The following DIP2B variants were observed in gnomAD, a reference collection of about 807,000 sequenced individuals.
DIP2B encodes disco-interacting protein 2 homolog B.
Under a neutral mutation model 198.0 loss-of-function variants are expected in DIP2B, and 76 were observed. That is an observed-to-expected ratio of 0.38 (90% CI 0.32 to 0.46). DIP2B has a LOEUF of 0.46. Ranked by LOEUF, DIP2B falls within the 20% of genes least tolerant of loss-of-function variation. The pLI is 0.99. For synonymous variants in DIP2B, 701 were observed against 739.1 expected (o/e 0.95, Z 0.84); for missense variants, 1,559 against 1,978.4 (o/e 0.79, Z 4.02).
rs201036769 is a variant in DIP2B at position 50,734,123 on chromosome 12, G to A, written c.3982-12G>A. ...GAAATTCTAAACAACGCATTGATTT[G>A]TCTTTCTTTAGGGAACCTCAGGGCC... On this transcript the variant is annotated splice_polypyrimidine_tract_variant and intron_variant, in intron 32 of 37. Transcript: ENST00000301180. 121 of 1,613,752 alleles carry A rather than the reference G, an allele frequency of 7.5e-5. No homozygotes were observed. The highest frequency in any genetic ancestry group is 9.7e-5 in the Non-Finnish European group (115 of 1,179,888).
intron 1 of DIP2B, among the ~76,000 whole-genome samples, chr12:50,556,919 A>C (rs1958476773): frequency 6.6e-6 from 1 of 152,168 alleles, no homozygotes; most frequent in Admixed American, 6.5e-5. Flanking sequence ...CATGTTGGTC[A>C]GGCTGGTCTT....
At chr12:50,590,722 T>A (rs1276784705) in intron 1 of DIP2B, among the ~76,000 whole-genome samples, 1 of 152,210 alleles carries the variant, frequency 6.6e-6, no homozygotes, top group African/African-American at 2.4e-5. Context: ...ATTATTATGA[T>A]CATTTCCAGT....
intron 1 of DIP2B, among the ~76,000 whole-genome samples, chr12:50,560,418 C>T (rs1323423061): frequency 2.7e-5 from 4 of 147,934 alleles, no homozygotes; most frequent in East Asian, 4.0e-4. Context: ...AAGCAAAAAA[C>T]TTAGCTGGGC....
At chr12:50,629,966 T>TTA (rs772402864) in intron 2 of DIP2B, among the ~76,000 whole-genome samples, 8,786 of 147,378 alleles carry the variant, frequency 0.06, 297 homozygotes, top group African/African-American at 0.072. Flanking sequence ...TTTTTTTTTT[T>TTA]AATGAGACAG....
intron 3 of DIP2B, among the ~76,000 whole-genome samples, chr12:50,642,177 A>G (rs1446908817): frequency 6.6e-6 from 1 of 152,192 alleles, no homozygotes; most frequent in Non-Finnish European, 1.5e-5. Flanking sequence ...GTCTTGAGTG[A>G]TAGGAGAGGC....
At chr12:50,618,786 G>C (rs368941828) in intron 1 of DIP2B, among the ~76,000 whole-genome samples, 1 of 152,274 alleles carries the variant, frequency 6.6e-6, no homozygotes, top group Admixed American at 6.5e-5. Context: ...CTGATACATA[G>C]GAGGCCCTTG....
At chr12:50,522,093 G>A (rs187485841) in intron 1 of DIP2B, among the ~76,000 whole-genome samples, 12 of 151,904 alleles carry the variant, frequency 7.9e-5, no homozygotes, top group Non-Finnish European at 1.3e-4. Context: ...CTCCGTGTCC[G>A]GGGTTCAAGT....
chr12:50,597,956 A>G (rs1459781918), intron 1 of DIP2B, among the ~76,000 whole-genome samples: 2 of 152,188 alleles, frequency 1.3e-5, no homozygotes, highest in Non-Finnish European at 2.9e-5. Context: ...ACTTAGTGAG[A>G]TAAAGTGAGC....
intron 7 of DIP2B, 75 bp downstream of exon 7, chr12:50,675,523 G>A (rs1029600274): frequency 2.1e-6 from 3 of 1,414,668 alleles, no homozygotes; most frequent in African/African-American, 2.9e-5. Flanking sequence ...GTTAGGTACT[G>A]TAGGGTTAAA....
At chr12:50,536,831 A>G (rs1005056827) in intron 1 of DIP2B, among the ~76,000 whole-genome samples, 15 of 151,434 alleles carry the variant, frequency 9.9e-5, no homozygotes, top group Non-Finnish European at 2.1e-4. Flanking sequence ...GGCCTCCCAA[A>G]GTGCTGGGAT....
intron 1 of DIP2B, among the ~76,000 whole-genome samples, chr12:50,548,550 G>C (rs554337378): frequency 6.6e-6 from 1 of 152,114 alleles, no homozygotes; most frequent in Admixed American, 6.5e-5. Context: ...TTTTGAGACT[G>C]AGTCTTGCTC....
chr12:50,533,677 C>T (rs1958238601), intron 1 of DIP2B, among the ~76,000 whole-genome samples: 1 of 151,156 alleles, frequency 6.6e-6, no homozygotes, highest in African/African-American at 2.4e-5. Context: ...GGTGTGATCA[C>T]AGCTCACTGC....
intron 1 of DIP2B, among the ~76,000 whole-genome samples, chr12:50,564,024 C>G (rs1958542787): frequency 6.6e-6 from 1 of 152,194 alleles, no homozygotes; most frequent in Non-Finnish European, 1.5e-5. Flanking sequence ...CTTTCCACTT[C>G]TGTTCCTATT....
chr12:50,678,031 T>G (rs1055678899), intron 7 of DIP2B, among the ~76,000 whole-genome samples: 8 of 150,958 alleles, frequency 5.3e-5, no homozygotes, highest in Admixed American at 2.0e-4. Context: ...ATGTGCTGTT[T>G]CAGCCAAGTC....
At chr12:50,697,292 C>G (rs765022680) in intron 17 of DIP2B, 117 bp downstream of exon 17, 1 of 857,486 alleles carries the variant, frequency 1.2e-6, no homozygotes, top group East Asian at 2.9e-5. Flanking sequence ...TTTCAAGCAT[C>G]TCATTTTTCC....
chr12:50,732,631 C>T (rs1480695590), intron 32 of DIP2B, 95 bp downstream of exon 32: 5 of 1,482,110 alleles, frequency 3.4e-6, no homozygotes, highest in Non-Finnish European at 4.6e-6. Flanking sequence ...TGGGCTTGGG[C>T]CCCAGCCGCA....
At chr12:50,682,911 A>T (rs1757777758) in intron 9 of DIP2B, among the ~76,000 whole-genome samples, 2 of 152,194 alleles carry the variant, frequency 1.3e-5, no homozygotes, top group African/African-American at 4.8e-5. Flanking sequence ...GAGGACGAGG[A>T]TGAATGCGTT....
intron 1 of DIP2B, among the ~76,000 whole-genome samples, chr12:50,562,085 A>C (rs1365887077): frequency 6.6e-6 from 1 of 152,192 alleles, no homozygotes; most frequent in Non-Finnish European, 1.5e-5. Flanking sequence ...ATTTGAAATC[A>C]ATTTCTAAAG....
At chr12:50,663,621 T>C (rs1938694405) in intron 4 of DIP2B, among the ~76,000 whole-genome samples, 1 of 151,008 alleles carries the variant, frequency 6.6e-6, no homozygotes, top group African/African-American at 2.4e-5. Flanking sequence ...ACCTGTAATC[T>C]TCACACTTTG....
Sources: gnomAD v4.1 joint callset for allele counts (sites outside exome capture counted in the v4.1 genomes callset) on GRCh38, gnomAD v4.1.1 for gene constraint, MANE v1.5 for transcripts, NCBI Gene and HGNC (gene_info 2026-07-23, HGNC 2026-07-21) for gene names.